The following PDE8B variants were observed in gnomAD, a reference collection of about 807,000 sequenced individuals.
PDE8B encodes phosphodiesterase 8B, also known as high affinity cAMP-specific and IBMX-insensitive 3',5'-cyclic phosphodiesterase 8B.
PDE8B carries 26 observed loss-of-function variants against 101.3 expected under a neutral mutation model. The ratio of observed to expected loss-of-function variants is 0.26; its 90% CI spans 0.19 to 0.36. The LOEUF (loss-of-function observed/expected upper bound fraction) is 0.36. Among genes scored for constraint, PDE8B ranks in the 10% least tolerant of loss-of-function variants. The probability of loss-of-function intolerance (pLI) is 1.00; values close to 1 mark genes in which losing one functional copy is unlikely to be tolerated. For synonymous variants in PDE8B, 424 were observed against 429.3 expected (o/e 0.99, Z 0.15); for missense variants, 810 against 1,163.1 (o/e 0.70, Z 4.42).
At chr5:77,177,385 G>C in the PDE8B span, among the ~76,000 whole-genome samples, 1 of 152,142 alleles carries the variant, frequency 6.6e-6, no homozygotes, top group African/African-American at 2.4e-5. Context: ...AGTTTAATTT[G>C]TAAATTAGGC....
the PDE8B span, among the ~76,000 whole-genome samples, chr5:77,154,100 G>A: frequency 6.6e-6 from 1 of 152,174 alleles, no homozygotes; most frequent in African/African-American, 2.4e-5. Context: ...TATCCCTTGA[G>A]TTACAAAACC....
At chr5:77,245,078 G>GT (rs905069857) in intron 1 of PDE8B, among the ~76,000 whole-genome samples, 1 of 152,200 alleles carries the variant, frequency 6.6e-6, no homozygotes, top group Non-Finnish European at 1.5e-5. Flanking sequence ...TCCTTACATT[G>GT]TTTTTTTAAA....
chr5:77,341,322 A>C (rs1779179474), intron 6 of PDE8B, among the ~76,000 whole-genome samples: 1 of 152,184 alleles, frequency 6.6e-6, no homozygotes, highest in Non-Finnish European at 1.5e-5. Context: ...TCAACTGTTG[A>C]TAAGCATTTA....
In PDE8B at chr5:77,312,063, CT is replaced by C. The variant is rs751578540; in HGVS notation, c.399+13del. On this transcript the variant is annotated intron_variant, in intron 2 of 21. Coordinates refer to ENST00000264917, the MANE Select transcript of PDE8B (RefSeq NM_003719.5). The stretch of plus-strand genomic sequence containing the variant: ...GCAGGACCCTATTCAGGTACGCCTC[CT>C]TTACTCAGCCCTGTGACTCAGATTA... 2.5e-6 allele frequency: 4 copies of C among 1,581,984 alleles called. No individual in the cohort carries two copies. In the Admixed American group the frequency reaches 5.0e-5, roughly 20 times the overall value.
chr5:77,412,229 A>G lies in PDE8B; in HGVS notation c.1706A>G (p.His569Arg). 1 of 1,614,178 alleles carries G rather than the reference A, an allele frequency of 6.2e-7. No homozygotes were observed. Among genetic ancestry groups the G allele is most frequent in the Non-Finnish European group, 8.5e-7 (1 of 1,180,010 alleles). The change falls in exon 16 of 22, where the codon CAT (histidine) becomes CGT (arginine). Residue 569 changes from histidine to arginine, a missense_variant. Coordinates refer to ENST00000264917, the MANE Select transcript of PDE8B (RefSeq NM_003719.5). ...ATCTTTGAATTGGAAGCCATTACGC[A>G]TAAAAGGTATGTGACTTCTCTGGCT... The part of the protein sequence containing the change: ...FNIFELEAIT[H>R]KRPLVYLGLK...
intron 1 of PDE8B, chr5:77,290,523 G>A (rs1767060654): frequency 1.4e-6 from 2 of 1,473,688 alleles, no homozygotes; most frequent in South Asian, 2.3e-5. Flanking sequence ...AGGAGAAATA[G>A]TAAGACAGAT....
the PDE8B span, among the ~76,000 whole-genome samples, chr5:77,200,404 T>C: frequency 5.9e-5 from 9 of 152,132 alleles, no homozygotes; most frequent in Non-Finnish European, 8.8e-5. Flanking sequence ...AGCCTCTCCT[T>C]CCCCTAGCCC....
At chr5:77,376,239 A>C (rs1387296532) in intron 10 of PDE8B, among the ~76,000 whole-genome samples, 1 of 152,176 alleles carries the variant, frequency 6.6e-6, no homozygotes, top group Non-Finnish European at 1.5e-5. Flanking sequence ...AGTAGCTTGA[A>C]TGTGTGATTC....
Position 77,412,095 on chromosome 5 carries a change from C to G in PDE8B, c.1577-5C>G. The G allele has an allele frequency of 6.2e-7, 1 of 1,613,926 alleles. No individual in the cohort carries two copies. The highest frequency in any genetic ancestry group is 8.5e-7 in the Non-Finnish European group (1 of 1,179,866). On this transcript the variant is annotated splice_polypyrimidine_tract_variant and splice_region_variant and intron_variant, in intron 15 of 21. Coordinates refer to ENST00000264917, the MANE Select transcript of PDE8B (RefSeq NM_003719.5). ...CAGCCTCCCCCATCCCATCTGTTTG[C>G]TCAGATGTGCACCAGAGTCACAGTC...
intron 1 of PDE8B, among the ~76,000 whole-genome samples, chr5:77,303,442 G>A (rs1019498053): frequency 8.5e-5 from 13 of 152,168 alleles, no homozygotes; most frequent in Non-Finnish European, 1.3e-4. Context: ...CAAAAAATTA[G>A]CCTGTAATCC....
chr5:77,259,997 A>G (rs1760135310), intron 1 of PDE8B, among the ~76,000 whole-genome samples: 1 of 152,020 alleles, frequency 6.6e-6, no homozygotes, highest in Non-Finnish European at 1.5e-5. Context: ...CCCCATCTCT[A>G]CTAAAAATAC....
intron 1 of PDE8B, among the ~76,000 whole-genome samples, chr5:77,241,941 A>G (rs1755849876): frequency 6.6e-6 from 1 of 152,208 alleles, no homozygotes; most frequent in South Asian, 2.1e-4. Flanking sequence ...AACAACAGCA[A>G]AACTTTCTCA....
chr5:77,338,426 G>A (rs1234902752), intron 6 of PDE8B, among the ~76,000 whole-genome samples: 1 of 152,124 alleles, frequency 6.6e-6, no homozygotes, highest in South Asian at 2.1e-4. Flanking sequence ...ACTTTCTTAG[G>A]TAGAAAAGTA....
the PDE8B span, among the ~76,000 whole-genome samples, chr5:77,117,819 A>G: frequency 6.6e-6 from 1 of 152,278 alleles, no homozygotes; most frequent in South Asian, 2.1e-4. Context: ...CCATTCGTTT[A>G]TACATTCATT....
chr5:77,372,201 AAACAACAACAAC>A (rs3031818), intron 10 of PDE8B, among the ~76,000 whole-genome samples: 1 of 151,540 alleles, frequency 6.6e-6, no homozygotes, highest in African/African-American at 2.4e-5. Flanking sequence ...TTCTGTCTCA[AAACAACAACAAC>A]AACAACAACA....
intron 10 of PDE8B, chr5:77,358,345 C>A (rs544925383): frequency 8.6e-6 from 5 of 581,212 alleles, no homozygotes; most frequent in Non-Finnish European, 1.1e-5. Context: ...TTCTCTTCCC[C>A]CCAGGAAATC....
chr5:77,411,559 G>C, intron 14 of PDE8B, 117 bp from the exon 15 acceptor site: 1 of 788,486 alleles, frequency 1.3e-6, no homozygotes, highest in Non-Finnish European at 2.2e-6. Flanking sequence ...CTTCAACTTA[G>C]ACTTCCAGAT....
chr5:77,230,827 G>A (rs1261161424), intron 1 of PDE8B, among the ~76,000 whole-genome samples: 1 of 152,186 alleles, frequency 6.6e-6, no homozygotes, highest in African/African-American at 2.4e-5. Context: ...TCCAGTCTGG[G>A]AGAAGAAATT....
the PDE8B span, among the ~76,000 whole-genome samples, chr5:77,100,070 A>G: frequency 2.6e-5 from 4 of 152,344 alleles, no homozygotes. Context: ...CCAGAATTTC[A>G]ACTCCTTTTC....
Sources: allele counts gnomAD v4.1 joint callset (sites outside exome capture counted in the v4.1 genomes callset), GRCh38; gene constraint gnomAD v4.1.1; transcripts MANE v1.5; gene names NCBI Gene and HGNC (gene_info 2026-07-23, HGNC 2026-07-21).